Variants in CUX1 observed in about 807,000 individuals in gnomAD.
CUX1 encodes cut like homeobox 1.
A neutral mutation model predicts 158.8 loss-of-function variants in CUX1; 31 were observed. The observed-to-expected ratio is 0.20, with a 90% CI of 0.15 to 0.26. The LOEUF (loss-of-function observed/expected upper bound fraction) is 0.26, where lower values mean the gene tolerates loss of function less well. CUX1 is among the 10% of genes least tolerant of loss of function. The pLI is 1.00. For synonymous variants in CUX1, 879 were observed against 862.1 expected (o/e 1.02, Z -0.34); for missense variants, 1,589 against 2,014.6 (o/e 0.79, Z 4.04).
At chr7:102,030,304 G>A (rs528196378) in intron 3 of CUX1, among the ~76,000 whole-genome samples, 6 of 152,144 alleles carry the variant, frequency 3.9e-5, no homozygotes, top group Non-Finnish European at 2.9e-5. Flanking sequence ...GAGCCACTGC[G>A]CCCGGCCCAC....
chr7:101,874,927 G>A (rs746489106), intron 1 of CUX1, among the ~76,000 whole-genome samples: 24 of 152,176 alleles, frequency 1.6e-4, no homozygotes, highest in Middle Eastern at 3.2e-3. Context: ...CCAGAGCATC[G>A]AGGACAGACA....
intron 7 of CUX1, among the ~76,000 whole-genome samples, chr7:102,114,409 G>A (rs540148191): frequency 1.8e-4 from 28 of 152,232 alleles, no homozygotes; most frequent in Non-Finnish European, 3.4e-4. Flanking sequence ...CCAAGTAGCC[G>A]GGATTACAGG....
intron 2 of CUX1, among the ~76,000 whole-genome samples, chr7:101,925,117 G>C (rs1805434692): frequency 6.6e-6 from 1 of 152,226 alleles, no homozygotes; most frequent in East Asian, 1.9e-4. Flanking sequence ...ACACAATGGG[G>C]CCTTTTTTTG....
chr7:101,842,545 G>T (rs867951796), intron 1 of CUX1, among the ~76,000 whole-genome samples: 2 of 152,088 alleles, frequency 1.3e-5, no homozygotes, highest in Non-Finnish European at 2.9e-5. Context: ...ACATCACCAT[G>T]CCCAGCTAAT....
chr7:101,915,812 A>T (rs1040930481), intron 1 of CUX1, among the ~76,000 whole-genome samples: 1 of 152,086 alleles, frequency 6.6e-6, no homozygotes, highest in African/African-American at 2.4e-5. Context: ...AGCAAGAAAG[A>T]TGTTTCTGTG....
intron 5 of CUX1, among the ~76,000 whole-genome samples, chr7:102,103,589 C>T (rs1430070170): frequency 6.6e-6 from 1 of 152,124 alleles, no homozygotes; most frequent in Non-Finnish European, 1.5e-5. Context: ...GTGTGTGCTA[C>T]CACGTCCAGC....
rs1789698440 is a variant in CUX1 at position 102,254,698 on chromosome 7, C to T, written c.*5656C>T. ...TGCTTCTGTGGTTTCACCTGGGCAT[C>T]GACGACATTAGGGAAGCCTTTGTGA... On this transcript the variant is annotated 3_prime_UTR_variant, in exon 24 of 24. Coordinates refer to ENST00000292535, the MANE Select transcript of CUX1 (RefSeq NM_181552.4). 3.0e-6 allele frequency: 3 copies of T among 985,324 alleles called. No individual in the cohort carries two copies. The highest frequency in any genetic ancestry group is 1.1e-4 in the East Asian group (1 of 8,816). 61.0% of individuals were successfully genotyped at this position (985,324 alleles called of 1,614,324 possible).
At chr7:101,975,275 A>G (rs888804065) in intron 2 of CUX1, among the ~76,000 whole-genome samples, 4 of 151,400 alleles carry the variant, frequency 2.6e-5, no homozygotes, top group Non-Finnish European at 1.5e-5. Flanking sequence ...AGAGAGAGAG[A>G]GAGAGAAAAG....
At chr7:102,273,306 G>A in intron 14 of CUX1, 1 of 1,584,046 alleles carries the variant, frequency 6.3e-7, no homozygotes, top group African/African-American at 1.3e-5. Context: ...CAGAACCAGG[G>A]GAGGGCACCA....
intron 8 of CUX1, among the ~76,000 whole-genome samples, chr7:102,141,671 G>A (rs1392356626): frequency 6.6e-6 from 1 of 152,076 alleles, no homozygotes; most frequent in Admixed American, 6.6e-5. Flanking sequence ...TGCCCAGGCT[G>A]TAGTGCAGTG....
chr7:102,062,059 G>T (rs1824939211), intron 3 of CUX1, among the ~76,000 whole-genome samples: 1 of 152,212 alleles, frequency 6.6e-6, no homozygotes, highest in African/African-American at 2.4e-5. Flanking sequence ...GGATCTCAGT[G>T]GAGGAAGTAG....
Position 101,995,517 on chromosome 7 carries a change from T to C in CUX1, c.142-32581T>C, listed in dbSNP as rs536001460. Reference sequence around the variant, plus strand: ...TCTGCAAGGCAAGGGCCATTTACAGTAAACATGGTGGGAACTTAGCAATGT... The same window carrying C: ...TCTGCAAGGCAAGGGCCATTTACAGCAAACATGGTGGGAACTTAGCAATGT... On this transcript the variant is annotated intron_variant, in intron 2 of 23. Coordinates refer to ENST00000292535, the MANE Select transcript of CUX1 (RefSeq NM_181552.4). Among the ~76,000 whole-genome samples, 5 of 152,354 alleles carry C rather than the reference T, an allele frequency of 3.3e-5. No homozygotes were observed. In the East Asian group the frequency reaches 9.6e-4, roughly 29 times the overall value.
intron 20 of CUX1, among the ~76,000 whole-genome samples, chr7:102,213,136 ACCCAG>A (rs1554523604): frequency 6.6e-6 from 1 of 152,078 alleles, no homozygotes; most frequent in Non-Finnish European, 1.5e-5. Flanking sequence ...GCACCACCAC[ACCCAG>A]CCAGATGTCT....
At chr7:102,178,730 AC>A in intron 11 of CUX1, 73 bp downstream of exon 11, 1 of 1,443,368 alleles carries the variant, frequency 6.9e-7, no homozygotes, top group South Asian at 1.3e-5. Flanking sequence ...GCACACACAC[AC>A]CCTCTGCCTT....
At chr7:102,162,306 C>T (rs1790526571) in intron 9 of CUX1, among the ~76,000 whole-genome samples, 1 of 152,028 alleles carries the variant, frequency 6.6e-6, no homozygotes, top group Non-Finnish European at 1.5e-5. Context: ...GACAGTCTTG[C>T]TCTGTTGCCC....
At chr7:102,204,203 T>G (rs1795725513) in intron 18 of CUX1, among the ~76,000 whole-genome samples, 188 bp from the exon 19 acceptor site, 1 of 152,216 alleles carries the variant, frequency 6.6e-6, no homozygotes, top group African/African-American at 2.4e-5. Context: ...TGCCGGGGTC[T>G]CAGCCACCGT....
At chr7:101,878,207 A>G (rs1215925813) in intron 1 of CUX1, among the ~76,000 whole-genome samples, 1 of 152,230 alleles carries the variant, frequency 6.6e-6, no homozygotes, top group Non-Finnish European at 1.5e-5. Context: ...ACATTGCAGT[A>G]AGGAGTCAAT....
intron 11 of CUX1, among the ~76,000 whole-genome samples, chr7:102,180,266 C>T (rs1335895174): frequency 1.3e-5 from 2 of 151,768 alleles, no homozygotes; most frequent in Admixed American, 1.3e-4. Context: ...CAGGTGATCA[C>T]CAGCCTCGGC....
chr7:102,098,333 C>T (rs1829414886), intron 5 of CUX1, among the ~76,000 whole-genome samples: 1 of 152,168 alleles, frequency 6.6e-6, no homozygotes, highest in Non-Finnish European at 1.5e-5. Flanking sequence ...TAATTGGGGC[C>T]ACGTGCGGTG....
Sources: allele counts gnomAD v4.1 joint callset (sites outside exome capture counted in the v4.1 genomes callset), GRCh38; gene constraint gnomAD v4.1.1; transcripts MANE v1.5; gene names NCBI Gene and HGNC (gene_info 2026-07-23, HGNC 2026-07-21).